Variants in TTN observed in about 807,000 individuals in gnomAD.
TTN encodes the protein connectin.
A neutral mutation model predicts 3,223.0 loss-of-function variants in TTN; 1,525 were observed. The observed-to-expected ratio is 0.47, with a 90% confidence interval of 0.45 to 0.49. The LOEUF (loss-of-function observed/expected upper bound fraction) is 0.49, where lower values mean the gene tolerates loss of function less well. Among genes scored for constraint, TTN ranks in the 20% least tolerant of loss-of-function variants. TTN has a pLI of 0.00. For synonymous variants in TTN, 14,094 were observed against 15,161.0 expected (o/e 0.93, Z 5.17); for missense variants, 40,786 against 43,424.0 (o/e 0.94, Z 5.40).
rs727505342 is a variant in TTN, at chr2:178,545,955, C to T, written c.95281G>A (p.Glu31761Lys). 9.3e-6 allele frequency: 15 copies of T among 1,613,842 alleles called. No individual in the cohort carries two copies. The highest frequency in any genetic ancestry group is 1.6e-4 in the Middle Eastern group (1 of 6,062). ...SRLNWVIVEG[E>K]CPTLSYVVTR... ...ACGACATAGGATAGGGTTGGGCATT[C>T]GCCTTCAACAATCACCCAGTTGAGC... Residue 31761 changes from glutamate (E) to lysine (K), a missense_variant, in exon 343 of 363, where the codon GAA becomes AAA. Transcript: ENST00000589042.
chr2:178,618,323 T>C lies in TTN; in HGVS notation c.47135A>G (p.Glu15712Gly). ...ACCAGTGACAGTAAACTCACAACTCTCTGCACGGTCTGTGGCCAGAACCCA... is the reference window on the plus strand; with the variant it reads ...ACCAGTGACAGTAAACTCACAACTCCCTGCACGGTCTGTGGCCAGAACCCA... ...KTWVLATDRA[E>G]SCEFTVTGLQ... is the part of the protein sequence containing the mutation. The change falls in exon 252 of 363, where the codon GAG (glutamate) becomes GGG (glycine). Residue 15712 changes from glutamate (E) to glycine (G), a missense_variant. Transcript: ENST00000589042. 2.5e-6 allele frequency: 4 copies of C among 1,612,684 alleles called. No individual in the cohort carries two copies. Among genetic ancestry groups the C allele is most frequent in the Non-Finnish European group, 3.4e-6 (4 of 1,179,124 alleles).
intron 330 of TTN, chr2:178,556,515 T>A (rs183712169): frequency 3.3e-6 from 1 of 302,986 alleles, no homozygotes; most frequent in Non-Finnish European, 6.1e-6. Context: ...TTAAGAGCAA[T>A]ATTCTCTAGG....
In TTN at chr2:178,741,794, G is replaced by A. The variant is rs770399607; in HGVS notation, c.11439C>T (p.Ser3813=). 58 of 1,612,990 alleles carry A rather than the reference G, an allele frequency of 3.6e-5. No individual in the cohort carries two copies. Among genetic ancestry groups the A allele is most frequent in the Middle Eastern group, 1.6e-4 (1 of 6,080 alleles). ...AAATTGGGCCAGTGCCTTCCTTTTC[G>A]GAATCAAATTTAGTTGGGTAAACTG... ...ESPVYPTKFD[S]EKEGTGPIFI... The change falls in exon 48 of 363, where the codon TCC becomes TCT. Residue 3813 remains serine, a synonymous_variant. Coordinates refer to ENST00000589042, the MANE Select transcript of TTN (RefSeq NM_001267550.2).
chr2:178,727,526 G>A, intron 68 of TTN, 59 bp downstream of exon 68: 1 of 1,518,926 alleles, frequency 6.6e-7, no homozygotes, highest in Non-Finnish European at 8.8e-7. Context: ...CATTGTAACT[G>A]AATACAGAGA....
In TTN at chr2:178,688,710, C is replaced by T. The variant is rs763742779; in HGVS notation, c.32164G>A (p.Val10722Ile). The T allele has an allele frequency of 5.0e-6, 8 of 1,613,860 alleles. No individual in the cohort carries two copies. The highest frequency in any genetic ancestry group is 6.8e-6 in the Non-Finnish European group (8 of 1,179,734). The change falls in exon 126 of 363, where the codon GTT (valine) becomes ATT (isoleucine). Residue 10722 changes from valine to isoleucine, a missense_variant. Transcript: ENST00000589042. ...CGCGTGACTTCCACTCTTTGAGGAACTGCGAAGGATAGTTTTTCTTCAGCA... is the reference window on the plus strand; with the variant it reads ...CGCGTGACTTCCACTCTTTGAGGAATTGCGAAGGATAGTTTTTCTTCAGCA... ...FVAEEKLSFA[V>I]PQRVEVTRHE... is the part of the protein sequence containing the mutation.
intron 332 of TTN, 104 bp from the exon 333 acceptor site, chr2:178,554,320 T>C (rs1700468058): frequency 9.0e-6 from 13 of 1,449,250 alleles, no homozygotes; most frequent in African/African-American, 1.4e-5. Context: ...TTATTTTTTA[T>C]ATTTTTCACC....
Position 178,636,098 on chromosome 2 carries a change from G to C in TTN, c.41473C>G (p.Arg13825Gly). The change falls in exon 226 of 363, where the codon CGA becomes GGA. Residue 13825 changes from arginine to glycine, a missense_variant. Physicochemically the swap from Arg to Gly is moderately radical, Grantham distance 125 (BLOSUM62 -2). Transcript: ENST00000589042. This position sits in a 1 kb window ranked among gnomAD's most constrained non-coding sequence, Gnocchi z 4.3. ...AAGCCAATGACGCCTGGCACAATTC[G>C]GCCAGGTTTCTCCACCACAATCTTG... ...DGKIVVEKPG[R>G]IVPGVIGLMR... 6 of 1,613,090 alleles carry C rather than the reference G, an allele frequency of 3.7e-6. No individual in the cohort carries two copies. Among genetic ancestry groups the C allele is most frequent in the Non-Finnish European group, 5.1e-6 (6 of 1,179,478 alleles).
rs794727941 is a variant in TTN at position 178,719,371 on chromosome 2, G to A, written c.24019C>T (p.Arg8007Ter). The change falls in exon 83 of 363, where the codon CGA (arginine) becomes TGA (stop). Residue 8007 changes from arginine (R) to a stop codon, truncating the protein, a stop_gained. Transcript: ENST00000589042. LOFTEE classifies it high-confidence loss of function. Reference protein sequence around the residue: ...ILGASVVLECRVSGSAPISVG... With the variant: ...ILGASVVLEC ...GAAATCGGGGCTGAGCCAGAGACTC[G>A]GCACTCCAAAACAACTGAGGCCCCC... 5 of 1,613,696 alleles carry A rather than the reference G, an allele frequency of 3.1e-6. No individual in the cohort carries two copies. Among genetic ancestry groups the A allele is most frequent in the Non-Finnish European group, 2.5e-6 (3 of 1,179,734 alleles).
At chr2:178,683,937 G>T in intron 133 of TTN, 62 bp downstream of exon 133, 1 of 1,266,892 alleles carries the variant, frequency 7.9e-7, no homozygotes, top group Non-Finnish European at 1.1e-6. Flanking sequence ...TATTCCACTA[G>T]ATTAGTTTTA....
intron 165 of TTN, 64 bp from the exon 166 acceptor site, chr2:178,664,990 A>G (rs776638394): frequency 4.0e-6 from 6 of 1,510,064 alleles, no homozygotes; most frequent in Non-Finnish European, 4.5e-6. Context: ...AGTAACCACA[A>G]TAAGTTAGGA....
chr2:178,601,121 T>G lies in TTN; in HGVS notation c.55783A>C (p.Thr18595Pro). 1 of 1,574,240 alleles carries G rather than the reference T, an allele frequency of 6.4e-7. No individual in the cohort carries two copies. The highest frequency in any genetic ancestry group is 8.6e-7 in the Non-Finnish European group (1 of 1,162,018). ...KLKIGLITKN[T>P]VHLSWKPPKN... is the part of the protein sequence containing the mutation. ...GGGGGTTTCCATGACAGATGCACTG[T>G]GTTCTTTGTGATGAGGCCAATCTTG... Residue 18595 changes from threonine to proline, a missense_variant, in exon 288 of 363, where the codon ACA (threonine) becomes CCA (proline). By Grantham distance (38) the Thr-to-Pro change is conservative. Transcript: ENST00000589042.
At position 178,740,668 on chromosome 2, in the gene TTN, T is replaced by A; in HGVS notation, c.12565A>T (p.Met4189Leu). Residue 4189 changes from methionine (M) to leucine (L), a missense_variant, in exon 48 of 363, where the codon ATG becomes TTG. Met to Leu is a conservative substitution (Grantham distance 15). Transcript: ENST00000589042. ...SDTEKIFPSA[M>L]SIEQINSLTV... The stretch of plus-strand genomic sequence containing the variant: ...AATGAATTAATTTGTTCTATGGACA[T>A]GGCACTTGGGAAGATTTTCTCGGTA... 1.2e-6 allele frequency: 2 copies of A among 1,613,866 alleles called. No individual in the cohort carries two copies. The highest frequency in any genetic ancestry group is 1.7e-6 in the Non-Finnish European group (2 of 1,179,814).
Position 178,558,289 on chromosome 2 carries a change from T to C in TTN, c.87118+52A>G, listed in dbSNP as rs567073564. ...GAAAAAGTGTTTCTGAAAATTAACA[T>C]AAATCAATGCAAATAATTTCAAATT... On this transcript the variant is annotated intron_variant, in intron 327 of 362. Coordinates refer to ENST00000589042, the MANE Select transcript of TTN (RefSeq NM_001267550.2). The C allele has an allele frequency of 3.0e-5, 48 of 1,592,048 alleles. No homozygotes were observed. The African/African-American group carries it at 5.6e-4, about 18-fold the overall frequency.
In TTN at chr2:178,693,685, G is replaced by A. The variant is rs746912694; in HGVS notation, c.31518C>T (p.Pro10506=). 5.1e-5 allele frequency: 81 copies of A among 1,591,794 alleles called. 1 individual carries two copies. Among genetic ancestry groups the A allele is most frequent in the Non-Finnish European group, 6.3e-5 (74 of 1,165,764 alleles). Residue 10506 remains proline, a synonymous_variant, in exon 119 of 363, where the codon CCC becomes CCT. Transcript: ENST00000589042. ...HTEEEVSVTV[P]EVQKEIVTEE... is the part of the protein sequence containing the mutation. Reference sequence around the variant, plus strand: ...CAGTAACAATTTCCTTTTGTACCTCGGGGACTTAAAAAAATGTACATTTTA... The same window carrying A: ...CAGTAACAATTTCCTTTTGTACCTCAGGGACTTAAAAAAATGTACATTTTA...
intron 6 of TTN, among the ~76,000 whole-genome samples, chr2:178,797,139 T>C (rs1561484781): frequency 6.6e-6 from 1 of 152,174 alleles, no homozygotes; most frequent in African/African-American, 2.4e-5. Context: ...CCCTTAGGCT[T>C]GGGTTTTAAA....
intron 166 of TTN, 44 bp downstream of exon 166, chr2:178,664,808 C>T (rs1347879303): frequency 6.2e-7 from 1 of 1,609,688 alleles, no homozygotes; most frequent in Non-Finnish European, 8.5e-7. Context: ...ATTCTCAAAA[C>T]TACAAGAGCT....
Position 178,612,271 on chromosome 2 carries a change from G to T in TTN, c.50248+6C>A. On this transcript the variant is annotated splice_donor_region_variant and intron_variant, in intron 266 of 362. Coordinates refer to ENST00000589042, the MANE Select transcript of TTN (RefSeq NM_001267550.2). ...ATTGTCACAAAGATTAAGTGCAAGA[G>T]CATACTAAAGGTGTCTTTGGCCAGC... 1 of 1,611,424 alleles carries T rather than the reference G, an allele frequency of 6.2e-7. No individual in the cohort carries two copies. The highest frequency in any genetic ancestry group is 8.5e-7 in the Non-Finnish European group (1 of 1,178,890).
chr2:178,626,985 G>C (rs140875948), intron 240 of TTN, among the ~76,000 whole-genome samples: 5 of 151,906 alleles, frequency 3.3e-5, no homozygotes, highest in African/African-American at 1.2e-4. Context: ...AAAACTGGTA[G>C]GTGCCTTATA....
intron 144 of TTN, 39 bp downstream of exon 144, chr2:178,678,375 T>A: frequency 6.5e-7 from 1 of 1,546,778 alleles, no homozygotes; most frequent in Middle Eastern, 1.7e-4. Flanking sequence ...TAGATGTGAG[T>A]TTTTTCCCCC....
Sources: gnomAD v4.1 joint callset for allele counts (sites outside exome capture counted in the v4.1 genomes callset) on GRCh38, gnomAD v4.1.1 for gene constraint, Gnocchi (gnomAD v3.1) non-coding constraint, MANE v1.5 for transcripts, NCBI Gene and HGNC (gene_info 2026-07-23, HGNC 2026-07-21) for gene names.